Variants in SLC11A2 observed in about 807,000 individuals in gnomAD.
SLC11A2 encodes the protein natural resistance-associated macrophage protein 2.
A neutral mutation model predicts 68.0 loss-of-function variants in SLC11A2; 38 were observed. That is an observed-to-expected ratio of 0.56 (90% CI 0.43 to 0.73). The LOEUF is 0.73. Ranked by LOEUF, SLC11A2 falls within the 30% of genes least tolerant of loss-of-function variation. The pLI is 0.00. For missense variants in SLC11A2, 517 were observed against 690.5 expected, an observed-to-expected ratio of 0.75 and a Z score of 2.82; for synonymous variants, 242 against 250.6, an observed-to-expected ratio of 0.97 and a Z score of 0.32.
intron 15 of SLC11A2, among the ~76,000 whole-genome samples, chr12:50,989,662 GAAGTT>G (rs1041062918): frequency 2.6e-5 from 4 of 152,116 alleles, no homozygotes; most frequent in African/African-American, 9.7e-5. Context: ...GGTTTTCCTT[GAAGTT>G]AAGTTCCTAG....
At chr12:51,012,433 T>C (rs1943309531) in intron 1 of SLC11A2, among the ~76,000 whole-genome samples, 1 of 152,218 alleles carries the variant, frequency 6.6e-6, no homozygotes, top group East Asian at 1.9e-4. Context: ...TATTCATTGA[T>C]AAGCCCCTCT....
chr12:51,010,550 A>G, intron 2 of SLC11A2, 145 bp downstream of exon 2: 1 of 567,024 alleles, frequency 1.8e-6, no homozygotes, highest in Non-Finnish European at 3.3e-6. Context: ...TTTACAGCCT[A>G]AGTCACCAGA....
In SLC11A2 at chr12:50,992,801, A is replaced by T. The variant is rs762474862; in HGVS notation, c.1197+9T>A. ...GTGTTATCTCCCTCTATCCTATACCAGCACGTACCTCCATGACAAACTGGC... is the reference window on the plus strand; with the variant it reads ...GTGTTATCTCCCTCTATCCTATACCTGCACGTACCTCCATGACAAACTGGC... On this transcript the variant is annotated intron_variant, in intron 12 of 15. Transcript: ENST00000262052. 3 of 1,613,468 alleles carry T rather than the reference A, an allele frequency of 1.9e-6. No homozygotes were observed. Among genetic ancestry groups the T allele is most frequent in the Non-Finnish European group, 2.5e-6 (3 of 1,179,744 alleles).
At chr12:50,999,742 C>T (rs767364020) in intron 6 of SLC11A2, among the ~76,000 whole-genome samples, 26 of 151,646 alleles carry the variant, frequency 1.7e-4, no homozygotes, top group Non-Finnish European at 3.7e-4. Flanking sequence ...TAGTGGCTCA[C>T]GCCTGTAATA....
chr12:51,011,364 G>A (rs1943209645), intron 1 of SLC11A2, among the ~76,000 whole-genome samples: 1 of 151,976 alleles, frequency 6.6e-6, no homozygotes, highest in Admixed American at 6.6e-5. Context: ...TGCTGACCTC[G>A]TGATCCGCCC....
At chr12:51,018,147 C>A (rs1566037545) in intron 1 of SLC11A2, among the ~76,000 whole-genome samples, 1 of 152,164 alleles carries the variant, frequency 6.6e-6, no homozygotes, top group African/African-American at 2.4e-5. Context: ...GTAATCCCAG[C>A]ACTTTGGGAA....
chr12:50,959,129 T>G, the SLC11A2 span, among the ~76,000 whole-genome samples: 1 of 152,208 alleles, frequency 6.6e-6, no homozygotes, highest in Admixed American at 6.5e-5. Flanking sequence ...CTTTTTTATT[T>G]TTTTCCTGAG....
intron 1 of SLC11A2, among the ~76,000 whole-genome samples, chr12:51,018,128 T>C (rs1038514915): frequency 1.3e-5 from 2 of 152,084 alleles, no homozygotes; most frequent in Non-Finnish European, 2.9e-5. Context: ...GGTGGGGTGG[T>C]TCACACCTGT....
At chr12:50,982,810 G>T (rs1383108782), downstream of SLC11A2, among the ~76,000 whole-genome samples, 5 of 147,968 alleles carry the variant, frequency 3.4e-5, no homozygotes, top group African/African-American at 1.2e-4. Context: ...GCATGGTGGC[G>T]CATGCCTGTA....
chr12:50,958,339 T>C, the SLC11A2 span, among the ~76,000 whole-genome samples: 33 of 149,866 alleles, frequency 2.2e-4, no homozygotes, highest in African/African-American at 7.4e-4. Flanking sequence ...TGGAGTGCAG[T>C]GGCACTATCT....
chr12:51,000,724 A>C lies in SLC11A2; in HGVS notation c.430-305T>G. Reference sequence around the variant, plus strand: ...ATATAATTGCCATTTACTAACTTCCACTTAATTTCCTAAAAACAATCCTAA... The same window carrying C: ...ATATAATTGCCATTTACTAACTTCCCCTTAATTTCCTAAAAACAATCCTAA... On this transcript the variant is annotated intron_variant, in intron 5 of 15. Coordinates refer to ENST00000262052, the MANE Select transcript of SLC11A2 (RefSeq NM_000617.3). The C allele has an allele frequency of 6.8e-6, 4 of 587,482 alleles. No homozygotes were observed. The South Asian group carries it at 8.7e-5, about 13-fold the overall frequency. The allele number at this position is 587,482 out of a possible 1,614,324, so 36.4% of individuals were successfully genotyped here.
the SLC11A2 span, chr12:50,970,317 G>A: frequency 3.0e-6 from 2 of 672,194 alleles, no homozygotes; most frequent in South Asian, 3.6e-5. Flanking sequence ...AAACTAGTAA[G>A]AAGGAGGGCC....
chr12:50,956,382 A>C, the SLC11A2 span, among the ~76,000 whole-genome samples: 1 of 152,108 alleles, frequency 6.6e-6, no homozygotes, highest in Admixed American at 6.6e-5. Context: ...ACAGAGCGAG[A>C]CTCCATCTTA....
the SLC11A2 span, among the ~76,000 whole-genome samples, chr12:50,969,487 G>A: frequency 3.7e-4 from 57 of 152,142 alleles, no homozygotes; most frequent in Admixed American, 7.2e-4. Context: ...ACCACCTGAG[G>A]TCAGGAGTTC....
chr12:50,991,728 G>T, intron 13 of SLC11A2, 56 bp from the exon 14 acceptor site: 1 of 1,294,612 alleles, frequency 7.7e-7, no homozygotes, highest in Non-Finnish European at 1.1e-6. Context: ...TCACCCTAGA[G>T]AACAGCACAA....
chr12:51,026,167 C>A, intron 1 of SLC11A2, 143 bp downstream of exon 1: 11 of 1,168,498 alleles, frequency 9.4e-6, no homozygotes, highest in Non-Finnish European at 1.2e-5. Flanking sequence ...CCTGGCCACA[C>A]CTCCCCTCAC....
rs1474734416 is a variant in SLC11A2 at position 51,004,976 on chromosome 12, T to C, written c.310-69A>G. ...GTTTTTGTCTGTTTGTTTGTTTAGT[T>C]GTTTGGCAACATGAGTGGTAAATAC... On this transcript the variant is annotated intron_variant, in intron 4 of 15. Transcript: ENST00000262052. 1.1e-5 allele frequency: 17 copies of C among 1,581,144 alleles called. No individual in the cohort carries two copies. The Middle Eastern group carries it at 1.0e-3, about 93-fold the overall frequency.
chr12:50,992,603 G>A (rs2136192763), intron 12 of SLC11A2, among the ~76,000 whole-genome samples: 1 of 151,866 alleles, frequency 6.6e-6, no homozygotes, highest in Non-Finnish European at 1.5e-5. Context: ...ATGGTGGCCA[G>A]AGCCTGTAAT....
At chr12:51,007,776 G>A (rs1942853917) in intron 3 of SLC11A2, among the ~76,000 whole-genome samples, 2 of 152,168 alleles carry the variant, frequency 1.3e-5, no homozygotes, top group South Asian at 2.1e-4. Context: ...GAGTAGCTGG[G>A]ACTACAGGTG....
Sources: allele counts gnomAD v4.1 joint callset (sites outside exome capture counted in the v4.1 genomes callset), GRCh38; gene constraint gnomAD v4.1.1; transcripts MANE v1.5; gene names NCBI Gene and HGNC (gene_info 2026-07-23, HGNC 2026-07-21).